FSTL4: variants seen among roughly 807,000 people sequenced by gnomAD.
FSTL4 encodes follistatin-related protein 4.
A neutral mutation model predicts 78.2 loss-of-function variants in FSTL4; 28 were observed. The observed-to-expected ratio is 0.36, with a 90% CI of 0.27 to 0.49. FSTL4 has a LOEUF of 0.49. Among genes scored for constraint, FSTL4 ranks in the 20% least tolerant of loss-of-function variants. The pLI, the probability that FSTL4 is intolerant of heterozygous loss-of-function variation, is 0.98. For synonymous variants in FSTL4, 422 were observed against 440.5 expected (o/e 0.96, Z 0.53); for missense variants, 922 against 1,084.9 (o/e 0.85, Z 2.11).
chr5:133,811,100 A>G, the FSTL4 span, among the ~76,000 whole-genome samples: 2 of 152,200 alleles, frequency 1.3e-5, no homozygotes, highest in Non-Finnish European at 2.9e-5. Flanking sequence ...ATTATTTCCA[A>G]GCAGGCAGTC....
At chr5:133,783,774 G>A in the FSTL4 span, among the ~76,000 whole-genome samples, 3 of 152,322 alleles carry the variant, frequency 2.0e-5, no homozygotes, top group African/African-American at 7.2e-5. Context: ...CTGGACTGTA[G>A]TTCAAGGGAA....
chr5:133,638,103 A>C, the FSTL4 span, among the ~76,000 whole-genome samples: 4,679 of 152,144 alleles, frequency 0.031, 87 homozygotes, highest in East Asian at 0.07. Context: ...AAAGCCTTGG[A>C]GTTATCCTTG....
rs1561682277 is a variant in FSTL4, at chr5:133,350,327, CCTTCTGGGG to C, written c.410-33684_410-33676del. Among the ~76,000 whole-genome samples the C allele has an allele frequency of 2.6e-5, 4 of 152,300 alleles. No individual in the cohort carries two copies. In the East Asian group the frequency reaches 5.8e-4, roughly 22 times the overall value. ...GTTATTAGAGGCACTGAGACAAACC[CCTTCTGGGG>C]ACCAGCACTGCTGTGCCCGCTGGGG... On this transcript the variant is annotated intron_variant, in intron 4 of 15. Transcript: ENST00000265342.
rs547676778 is a variant in FSTL4, at chr5:133,540,548, C to T, written c.160+26638G>A. Among the ~76,000 whole-genome samples the T allele has an allele frequency of 1.2e-4, 18 of 151,998 alleles. No homozygotes were observed. In the South Asian group the frequency reaches 3.5e-3, roughly 30 times the overall value. On this transcript the variant is annotated intron_variant, in intron 3 of 15. Coordinates refer to ENST00000265342, the MANE Select transcript of FSTL4 (RefSeq NM_015082.2). ...TTAACAAAGAACCTTATAGGTACCC[C>T]TCATGGATTTTCTTTTTGACCTGAA...
chr5:133,534,356 C>T (rs1759311153), intron 3 of FSTL4, among the ~76,000 whole-genome samples: 1 of 152,200 alleles, frequency 6.6e-6, no homozygotes, highest in Non-Finnish European at 1.5e-5. Context: ...GAATTTGGTT[C>T]TAACTCTGGG....
intron 12 of FSTL4, among the ~76,000 whole-genome samples, chr5:133,218,254 G>T (rs1441743104): frequency 2.0e-5 from 3 of 152,140 alleles, no homozygotes; most frequent in Admixed American, 1.3e-4. Context: ...TGTCTCACAA[G>T]TCATTTCAGA....
In FSTL4 at chr5:133,498,507, C is replaced by T. The variant is rs547080452; in HGVS notation, c.160+68679G>A. 2.1e-4 allele frequency among the ~76,000 whole-genome samples: 32 copies of T among 152,278 alleles called. No homozygotes were observed. The South Asian group carries it at 5.8e-3, about 28-fold the overall frequency. On this transcript the variant is annotated intron_variant, in intron 3 of 15. Transcript: ENST00000265342. ...GCTGAGGCAGGCAGATCACGAGAGG[C>T]TGGGAGTTCGAGATCAGCCTGGCTA...
At chr5:133,302,953 T>C (rs1753580349) in intron 6 of FSTL4, among the ~76,000 whole-genome samples, 2 of 152,330 alleles carry the variant, frequency 1.3e-5, no homozygotes, top group Admixed American at 6.5e-5. Context: ...GCCCACCACA[T>C]GGAAAGTGCT....
At chr5:133,797,883 C>T in the FSTL4 span, among the ~76,000 whole-genome samples, 3 of 152,154 alleles carry the variant, frequency 2.0e-5, no homozygotes, top group African/African-American at 7.2e-5. Context: ...CAACCTCCTG[C>T]TTCAAGTCTC....
chr5:133,343,932 C>A (rs1754642956), intron 4 of FSTL4, among the ~76,000 whole-genome samples: 1 of 152,234 alleles, frequency 6.6e-6, no homozygotes, highest in African/African-American at 2.4e-5. Context: ...CTGCTTTAAT[C>A]ATTTCTATGC....
chr5:133,375,797 A>G (rs1755419677), intron 4 of FSTL4, among the ~76,000 whole-genome samples: 1 of 152,206 alleles, frequency 6.6e-6, no homozygotes, highest in Non-Finnish European at 1.5e-5. Flanking sequence ...TTCTTCCCAC[A>G]TTGACATGAT....
the FSTL4 span, among the ~76,000 whole-genome samples, chr5:133,664,048 G>A: frequency 2.1e-4 from 32 of 152,210 alleles, no homozygotes; most frequent in East Asian, 1.5e-3. Context: ...GTGGGGGCAC[G>A]CTGATTATCT....
In FSTL4 at chr5:133,509,109, T is replaced by A. The variant is rs554732781; in HGVS notation, c.160+58077A>T. Among the ~76,000 whole-genome samples the A allele has an allele frequency of 3.7e-3, 559 of 152,222 alleles. 4 individuals carry two copies. Among genetic ancestry groups the A allele is most frequent in the African/African-American group, 0.013 (541 of 41,550 alleles). On this transcript the variant is annotated intron_variant, in intron 3 of 15. Coordinates refer to ENST00000265342, the MANE Select transcript of FSTL4 (RefSeq NM_015082.2). ...AGTACAACAAATGAAAGGAAATAAATCTAGTTTTGATTTTCAAAATGCAGG... is the reference window on the plus strand; with the variant it reads ...AGTACAACAAATGAAAGGAAATAAAACTAGTTTTGATTTTCAAAATGCAGG...
At chr5:133,321,439 C>T (rs1159181903) in intron 4 of FSTL4, among the ~76,000 whole-genome samples, 1 of 152,190 alleles carries the variant, frequency 6.6e-6, no homozygotes, top group Admixed American at 6.5e-5. Context: ...CCTTGATCCA[C>T]AGGATACTTT....
intron 3 of FSTL4, among the ~76,000 whole-genome samples, chr5:133,543,878 G>A (rs1051151446): frequency 2.7e-5 from 4 of 150,876 alleles, no homozygotes; most frequent in Non-Finnish European, 5.9e-5. Context: ...TAGATTTTTT[G>A]AATATTTTTC....
At chr5:133,308,152 G>C (rs958303383) in intron 6 of FSTL4, among the ~76,000 whole-genome samples, 11 of 152,176 alleles carry the variant, frequency 7.2e-5, no homozygotes, top group Non-Finnish European at 1.3e-4. Flanking sequence ...GAAAATGAGG[G>C]ACCAAGGGCA....
the FSTL4 span, among the ~76,000 whole-genome samples, chr5:133,719,364 A>G: frequency 2.6e-5 from 4 of 152,196 alleles, no homozygotes; most frequent in Admixed American, 1.3e-4. Context: ...GGCCAATAAT[A>G]ATACATTATA....
intron 6 of FSTL4, among the ~76,000 whole-genome samples, chr5:133,262,390 C>T (rs915733577): frequency 6.6e-6 from 1 of 152,168 alleles, no homozygotes; most frequent in African/African-American, 2.4e-5. Context: ...ACCTTTTCAC[C>T]TAAAGGGCCT....
intron 4 of FSTL4, among the ~76,000 whole-genome samples, chr5:133,318,294 C>A (rs1753958522): frequency 6.6e-6 from 1 of 152,122 alleles, no homozygotes. Flanking sequence ...TTGGCAAACC[C>A]AATTCTCAAG....
Sources: gnomAD v4.1 joint callset for allele counts (sites outside exome capture counted in the v4.1 genomes callset) on GRCh38, gnomAD v4.1.1 for gene constraint, MANE v1.5 for transcripts, NCBI Gene and HGNC (gene_info 2026-07-23, HGNC 2026-07-21) for gene names.